TERB1: variants seen among roughly 807,000 people sequenced by gnomAD.
The protein encoded by TERB1 is telomere repeats-binding bouquet formation protein 1.
A neutral mutation model predicts 92.3 loss-of-function variants in TERB1; 63 were observed. The observed-to-expected ratio is 0.68, with a 90% CI of 0.56 to 0.84. TERB1 has a LOEUF of 0.84. Ranked by LOEUF, TERB1 falls within the 40% of genes least tolerant of loss-of-function variation. TERB1 has a pLI of 0.00. For synonymous variants in TERB1, 252 were observed against 283.9 expected (o/e 0.89, Z 1.13); for missense variants, 709 against 843.7 (o/e 0.84, Z 1.98).
intron 9 of TERB1, among the ~76,000 whole-genome samples, chr16:66,779,289 A>C (rs1340148219): frequency 6.6e-6 from 1 of 152,206 alleles, no homozygotes; most frequent in Non-Finnish European, 1.5e-5. Context: ...CTATTTTGTA[A>C]GAATGGCATT....
chr16:66,789,476 C>G (rs1237334991), intron 5 of TERB1, among the ~76,000 whole-genome samples: 1 of 70,242 alleles, frequency 1.4e-5, no homozygotes, highest in African/African-American at 7.6e-5. Context: ...CCCAGCTACT[C>G]GGGAGGCTGA....
chr16:66,774,683 C>CCTTTTTTTTTTTTTTTTTT (rs386384962), intron 12 of TERB1, among the ~76,000 whole-genome samples: 1 of 40,218 alleles, frequency 2.5e-5, no homozygotes, highest in Non-Finnish European at 4.3e-5. Flanking sequence ...CTCTGATTTT[C>CCTTTTTTTTTTTTTTTTTT]TTTTTTTTTT....
At chr16:66,769,740 TA>T (rs1210522450) in intron 14 of TERB1, among the ~76,000 whole-genome samples, 1 of 152,146 alleles carries the variant, frequency 6.6e-6, no homozygotes, top group Non-Finnish European at 1.5e-5. Flanking sequence ...CCCTGTGAGT[TA>T]AAACCCAAAA....
intron 18 of TERB1, 61 bp downstream of exon 18, chr16:66,758,712 T>C (rs2018177832): frequency 9.6e-7 from 1 of 1,040,844 alleles, no homozygotes; most frequent in South Asian, 1.4e-5. Context: ...CTGCACTCCA[T>C]CCTGGGTAAC....
At chr16:66,769,442 A>G (rs1342179923) in intron 14 of TERB1, among the ~76,000 whole-genome samples, 2 of 152,206 alleles carry the variant, frequency 1.3e-5, no homozygotes, top group Non-Finnish European at 2.9e-5. Flanking sequence ...AAGAAAAGCT[A>G]CAATCCCAGG....
At chr16:66,799,605 G>T (rs2145277062) in intron 2 of TERB1, among the ~76,000 whole-genome samples, 1 of 152,110 alleles carries the variant, frequency 6.6e-6, no homozygotes, top group East Asian at 1.9e-4. Context: ...TTCTCCCTTT[G>T]TTTTTATACT....
intron 9 of TERB1, among the ~76,000 whole-genome samples, chr16:66,785,378 AT>A (rs748818841): frequency 6.6e-6 from 1 of 152,106 alleles, no homozygotes; most frequent in Non-Finnish European, 1.5e-5. Context: ...AGTTAGAAAC[AT>A]TTTATAATTT....
rs2018721733 is a variant in TERB1, at chr16:66,785,909, C to G, written c.578-1G>C. On this transcript the variant is annotated splice_acceptor_variant, in intron 8 of 18. Coordinates refer to ENST00000433154, the MANE Select transcript of TERB1 (RefSeq NM_001136505.2). LOFTEE classifies it high-confidence loss of function. ...GAACAGCAAAACATTTGATTCTCAT[C>G]TGAAAGAAGACAAAGTCAATCATGA... is the stretch of plus-strand genomic sequence containing the variant. 1 of 1,540,314 alleles carries G rather than the reference C, an allele frequency of 6.5e-7. No individual in the cohort carries two copies. The highest frequency in any genetic ancestry group is 1.4e-5 in the African/African-American group (1 of 72,734).
At chr16:66,782,022 G>T (rs545035110) in intron 9 of TERB1, among the ~76,000 whole-genome samples, 1 of 151,972 alleles carries the variant, frequency 6.6e-6, no homozygotes, top group Non-Finnish European at 1.5e-5. Context: ...TTTTGTTAAC[G>T]TTTTATATTT....
At chr16:66,790,437 G>C (rs1382729750) in intron 5 of TERB1, among the ~76,000 whole-genome samples, 158 bp downstream of exon 5, 3 of 143,078 alleles carry the variant, frequency 2.1e-5, no homozygotes, top group Admixed American at 7.2e-5. Context: ...GAAAGAGAGA[G>C]AAAGAGAGAA....
At chr16:66,763,518 G>T (rs1192874392) in intron 16 of TERB1, among the ~76,000 whole-genome samples, 2 of 152,060 alleles carry the variant, frequency 1.3e-5, no homozygotes, top group Non-Finnish European at 2.9e-5. Flanking sequence ...AGGTAGTATT[G>T]TATGTTTCTT....
Position 66,772,631 on chromosome 16 carries a change from T to C in TERB1, c.1230A>G (p.Glu410=), listed in dbSNP as rs754531131. The part of the protein sequence containing the change: ...NLEEHWRKAK[E]ILHRIEQLER... ...CAAGCTGTTCTATTCTGTGTAGAAT[T>C]TCCTTTGCTTTCCTCCAGTGCTCTT... The change falls in exon 13 of 19, where the codon GAA becomes GAG. Residue 410 remains glutamate, a synonymous_variant. Coordinates refer to ENST00000433154, the MANE Select transcript of TERB1 (RefSeq NM_001136505.2). 1 of 1,551,676 alleles carries C rather than the reference T, an allele frequency of 6.4e-7. No homozygotes were observed. Among genetic ancestry groups the C allele is most frequent in the South Asian group, 1.2e-5 (1 of 83,966 alleles).
intron 16 of TERB1, among the ~76,000 whole-genome samples, chr16:66,766,951 T>C (rs929303862): frequency 3.3e-5 from 5 of 152,192 alleles, no homozygotes; most frequent in Admixed American, 6.5e-5. Flanking sequence ...AGATAGAAGA[T>C]ATTAATTTGA....
chr16:66,759,172 A>G lies in TERB1; in HGVS notation c.1899T>C (p.Ser633=). The change falls in exon 17 of 19, where the codon AGT becomes AGC. Residue 633 remains serine, a synonymous_variant. Coordinates refer to ENST00000433154, the MANE Select transcript of TERB1 (RefSeq NM_001136505.2). ...TACAGATAAGTGATTTCCTTAGTTC[A>G]CTTTTATATCTGTCTTCAGCTTCCA... ...VIVEAEDRYK[S]ELRKSLICNK... The G allele has an allele frequency of 6.5e-7, 1 of 1,548,300 alleles. No homozygotes were observed. Among genetic ancestry groups the G allele is most frequent in the Non-Finnish European group, 8.7e-7 (1 of 1,146,164 alleles).
At chr16:66,775,891 T>C (rs991909673) in intron 11 of TERB1, among the ~76,000 whole-genome samples, 6 of 151,632 alleles carry the variant, frequency 4.0e-5, no homozygotes, top group Admixed American at 3.9e-4. Context: ...TTTGTATTTT[T>C]AGTAGAGACA....
At chr16:66,771,308 A>T (rs925834180) in intron 13 of TERB1, among the ~76,000 whole-genome samples, 1 of 152,230 alleles carries the variant, frequency 6.6e-6, no homozygotes, top group Non-Finnish European at 1.5e-5. Context: ...CGCTGTGGGG[A>T]AACATGTACT....
chr16:66,798,583 C>T (rs1597030306), intron 2 of TERB1, among the ~76,000 whole-genome samples: 1 of 152,014 alleles, frequency 6.6e-6, no homozygotes, highest in African/African-American at 2.4e-5. Flanking sequence ...TAGAAATGTT[C>T]AATAGCAAAG....
At chr16:66,776,830 C>T (rs1360097934) in intron 11 of TERB1, among the ~76,000 whole-genome samples, 1 of 152,122 alleles carries the variant, frequency 6.6e-6, no homozygotes, top group Non-Finnish European at 1.5e-5. Flanking sequence ...ATTTGTGCAG[C>T]AATGTGCAGA....
chr16:66,760,149 GA>G (rs1265642880), intron 16 of TERB1, among the ~76,000 whole-genome samples: 11 of 72,088 alleles, frequency 1.5e-4, no homozygotes, highest in South Asian at 9.5e-4. Context: ...AAAAAAAAAA[GA>G]AAAGAAAAGA....
Sources: gnomAD v4.1 joint callset for allele counts (sites outside exome capture counted in the v4.1 genomes callset) on GRCh38, gnomAD v4.1.1 for gene constraint, MANE v1.5 for transcripts, NCBI Gene and HGNC (gene_info 2026-07-23, HGNC 2026-07-21) for gene names.